The following ASAP2 variants were observed in gnomAD, a reference collection of about 807,000 sequenced individuals.
ASAP2 encodes the protein ArfGAP with SH3 domain, ankyrin repeat and PH domain 2.
Under a neutral mutation model 131.4 loss-of-function variants are expected in ASAP2, and 45 were observed. That is an observed-to-expected ratio of 0.34 (90% CI 0.27 to 0.44). ASAP2 has a LOEUF of 0.44. Ranked by LOEUF, ASAP2 falls within the 20% of genes least tolerant of loss-of-function variation. ASAP2 has a pLI of 1.00. For synonymous variants in ASAP2, 510 were observed against 503.0 expected (o/e 1.01, Z -0.19); for missense variants, 1,011 against 1,297.0 (o/e 0.78, Z 3.39).
Position 9,341,486 on chromosome 2 carries a change from G to A in ASAP2, c.850-3046G>A, listed in dbSNP as rs186496970. Among the ~76,000 whole-genome samples, 36 of 152,294 alleles carry A rather than the reference G, an allele frequency of 2.4e-4. 1 individual carries two copies. The highest frequency in any genetic ancestry group is 6.5e-4 in the Admixed American group (10 of 15,292). On this transcript the variant is annotated intron_variant, in intron 9 of 27. Coordinates refer to ENST00000281419, the MANE Select transcript of ASAP2 (RefSeq NM_003887.3). ...CTGGCATAGGGTCTGATTCTGTTGA[G>A]AAGAATGTCCCTTATCCTGTTCGTG... is the stretch of plus-strand genomic sequence containing the variant.
At chr2:9,368,986 G>A (rs1673706275) in intron 16 of ASAP2, among the ~76,000 whole-genome samples, 1 of 150,880 alleles carries the variant, frequency 6.6e-6, no homozygotes, top group Non-Finnish European at 1.5e-5. Context: ...TTGTGTTTGT[G>A]TTATTGTTGA....
At chr2:9,322,943 C>T (rs1198961700) in intron 5 of ASAP2, among the ~76,000 whole-genome samples, 178 bp from the exon 6 acceptor site, 2 of 152,158 alleles carry the variant, frequency 1.3e-5, no homozygotes, top group African/African-American at 2.4e-5. Context: ...TGGGAAGACC[C>T]GGTTTGACAT....
chr2:9,393,791 C>T, intron 24 of ASAP2, 144 bp downstream of exon 24: 1 of 867,558 alleles, frequency 1.2e-6, no homozygotes, highest in Non-Finnish European at 1.7e-6. Flanking sequence ...GCTGAAGGGT[C>T]TTAAAAATAA....
chr2:9,375,051 T>G, intron 17 of ASAP2, 107 bp downstream of exon 17: 1 of 1,003,942 alleles, frequency 1.0e-6, no homozygotes, highest in Non-Finnish European at 1.4e-6. Flanking sequence ...CGGAGGATCC[T>G]TTGAGCTCAG....
chr2:9,252,914 C>CAA (rs35078846), intron 1 of ASAP2, among the ~76,000 whole-genome samples: 3,275 of 108,186 alleles, frequency 0.03, 73 homozygotes, highest in Admixed American at 0.1. Flanking sequence ...GACTCCGTCT[C>CAA]AAAAAAAAAA....
intron 22 of ASAP2, among the ~76,000 whole-genome samples, chr2:9,390,723 G>A (rs1177468560): frequency 6.6e-6 from 1 of 152,194 alleles, no homozygotes; most frequent in Non-Finnish European, 1.5e-5. Flanking sequence ...AGTTCCAGAA[G>A]CTCCAAGTGC....
At chr2:9,229,277 G>A (rs1006657016) in intron 1 of ASAP2, among the ~76,000 whole-genome samples, 1 of 152,192 alleles carries the variant, frequency 6.6e-6, no homozygotes. Context: ...GGACTTCGCA[G>A]TTGCCCTGGG....
chr2:9,335,304 T>A, intron 9 of ASAP2, 125 bp downstream of exon 9: 1 of 741,562 alleles, frequency 1.3e-6, no homozygotes, highest in Non-Finnish European at 2.3e-6. Flanking sequence ...CAGGCACCAG[T>A]AAAACATTTA....
Position 9,344,620 on chromosome 2 carries a change from A to G in ASAP2, c.938A>G (p.Tyr313Cys), listed in dbSNP as rs769838169. 8 of 1,614,202 alleles carry G rather than the reference A, an allele frequency of 5.0e-6. No individual in the cohort carries two copies. Among genetic ancestry groups the G allele is most frequent in the South Asian group, 1.1e-5 (1 of 91,090 alleles). ...GGGACCGAGCGGAACGGCAGCCTCT[A>G]CAAGAAGAGTGACGGGTACGTGAGG... The part of the protein sequence containing the change: ...EHGTERNGSL[Y>C]KKSDGIRKVW... Residue 313 changes from tyrosine (Y) to cysteine (C), a missense_variant, in exon 10 of 28, where the codon TAC becomes TGC. Around this residue, in one of 2 missense-constraint regions of ASAP2, gnomAD observed 359 missense variants for 598.1 expected, o/e 0.60. Coordinates refer to ENST00000281419, the MANE Select transcript of ASAP2 (RefSeq NM_003887.3).
chr2:9,316,642 T>C (rs1669688618), intron 3 of ASAP2, among the ~76,000 whole-genome samples: 1 of 152,130 alleles, frequency 6.6e-6, no homozygotes, highest in Non-Finnish European at 1.5e-5. Context: ...AGGGAATCTT[T>C]TCAGGCTCAG....
rs70948815 is a variant in ASAP2 at position 9,361,974 on chromosome 2, C to CGTGTGTGTGTGTGTGT, written c.1461+3108_1461+3123dup. ...CCTCTTTATCTTATCTCTTTCTCTG[C>CGTGTGTGTGTGTGTGT]GTGTGTGTGTGTGTGTGTGTGTGTG... On this transcript the variant is annotated intron_variant, in intron 15 of 27. Coordinates refer to ENST00000281419, the MANE Select transcript of ASAP2 (RefSeq NM_003887.3). 2.8e-3 allele frequency among the ~76,000 whole-genome samples: 408 copies of CGTGTGTGTGTGTGTGT among 143,268 alleles called. 5 individuals carry two copies. Among genetic ancestry groups the CGTGTGTGTGTGTGTGT allele is most frequent in the Admixed American group, 8.9e-3 (126 of 14,228 alleles). 94.0% of individuals were successfully genotyped at this position (143,268 alleles called of 152,430 possible).
intron 18 of ASAP2, among the ~76,000 whole-genome samples, chr2:9,378,416 C>T (rs953516322): frequency 1.3e-5 from 2 of 152,202 alleles, no homozygotes; most frequent in African/African-American, 2.4e-5. Context: ...GCAAACAGGC[C>T]GAGGAGCCTG....
chr2:9,388,624 C>T, intron 22 of ASAP2, 78 bp downstream of exon 22: 2 of 1,540,036 alleles, frequency 1.3e-6, no homozygotes, highest in Admixed American at 2.3e-5. Context: ...GCTGCCCTGC[C>T]TCCAACTCAG....
chr2:9,261,108 A>C (rs1158952032), intron 1 of ASAP2, among the ~76,000 whole-genome samples: 1 of 152,172 alleles, frequency 6.6e-6, no homozygotes, highest in Non-Finnish European at 1.5e-5. Context: ...AGGGGTGGAC[A>C]GCACTCTTGG....
chr2:9,316,965 C>A (rs1388401459), intron 3 of ASAP2, among the ~76,000 whole-genome samples: 3 of 122,760 alleles, frequency 2.4e-5, no homozygotes, highest in African/African-American at 6.4e-5. Context: ...TCCCACACAC[C>A]CCCCGTCACA....
chr2:9,215,534 T>G (rs1211340274), intron 1 of ASAP2, among the ~76,000 whole-genome samples: 4 of 152,180 alleles, frequency 2.6e-5, no homozygotes, highest in Non-Finnish European at 5.9e-5. Flanking sequence ...ACATTTGTAA[T>G]TGAAAGATAC....
chr2:9,241,290 T>A (rs954837419), intron 1 of ASAP2, among the ~76,000 whole-genome samples: 3 of 152,260 alleles, frequency 2.0e-5, no homozygotes, highest in African/African-American at 7.2e-5. Context: ...TTGGTTGAAC[T>A]GTTGTGCATG....
rs1011873192 is a variant in ASAP2, at chr2:9,232,330, G to A, written c.126+25100G>A. Among the ~76,000 whole-genome samples, 2 of 152,108 alleles carry A rather than the reference G, an allele frequency of 1.3e-5. No individual in the cohort carries two copies. The highest frequency in any genetic ancestry group is 4.8e-5 in the African/African-American group (2 of 41,408). Reference sequence around the variant, plus strand: ...CCCTGCTCTTCGTATCTCCCTGCCTGTTCTGTGAAGTTCAGCCCAGTGCCC... The same window carrying A: ...CCCTGCTCTTCGTATCTCCCTGCCTATTCTGTGAAGTTCAGCCCAGTGCCC... On this transcript the variant is annotated intron_variant, in intron 1 of 27. Coordinates refer to ENST00000281419, the MANE Select transcript of ASAP2 (RefSeq NM_003887.3). The surrounding 1 kb of genome is among the most constrained non-coding windows in gnomAD (Gnocchi z 4.1).
chr2:9,274,888 G>T (rs981515180), intron 1 of ASAP2, among the ~76,000 whole-genome samples: 2 of 152,148 alleles, frequency 1.3e-5, no homozygotes, highest in Admixed American at 1.3e-4. Context: ...AAAGGTAGAA[G>T]ATTCCATATG....
Sources: allele counts gnomAD v4.1 joint callset (sites outside exome capture counted in the v4.1 genomes callset), GRCh38; gene constraint gnomAD v4.1.1; regional missense constraint gnomAD v4.1.1; non-coding constraint Gnocchi (gnomAD v3.1); transcripts MANE v1.5; gene names NCBI Gene and HGNC (gene_info 2026-07-23, HGNC 2026-07-21).